Variants in DOCK2 observed in about 807,000 individuals in gnomAD.
DOCK2 encodes the protein dedicator of cytokinesis protein 2.
In DOCK2, 87 loss-of-function variants were observed where a neutral mutation model predicts 248.9. That is an observed-to-expected ratio of 0.35 (90% CI 0.29 to 0.42). DOCK2 has a LOEUF of 0.42. DOCK2 is among the 10% of genes least tolerant of loss of function. DOCK2 has a pLI of 1.00. For missense variants in DOCK2, 1,747 were observed against 2,300.2 expected (o/e 0.76, Z 4.92); for synonymous variants, 805 against 821.6 (o/e 0.98, Z 0.35).
chr5:169,875,167 A>G, intron 27 of DOCK2: 2 of 455,140 alleles, frequency 4.4e-6, no homozygotes, highest in South Asian at 3.1e-5. Flanking sequence ...TCTTCTTTCA[A>G]GACCCTGATT....
At chr5:169,801,102 C>T (rs1341721587) in intron 25 of DOCK2, among the ~76,000 whole-genome samples, 4 of 139,652 alleles carry the variant, frequency 2.9e-5, no homozygotes, top group Admixed American at 7.5e-5. Flanking sequence ...CCTCCTGAGT[C>T]GCTGGGATTA....
chr5:169,898,600 C>G (rs1273476710), intron 27 of DOCK2, among the ~76,000 whole-genome samples: 1 of 152,096 alleles, frequency 6.6e-6, no homozygotes, highest in African/African-American at 2.4e-5. Flanking sequence ...GAAAGAATGA[C>G]AGTTAAGCTC....
chr5:169,981,762 T>C (rs1777943549), intron 27 of DOCK2, among the ~76,000 whole-genome samples: 1 of 152,202 alleles, frequency 6.6e-6, no homozygotes, highest in Non-Finnish European at 1.5e-5. Context: ...AGATGATCAT[T>C]AGAGTTTTTT....
intron 27 of DOCK2, chr5:169,875,391 T>A (rs903743892): frequency 4.6e-6 from 2 of 439,416 alleles, no homozygotes; most frequent in Non-Finnish European, 9.2e-6. Context: ...ACATCTTCAA[T>A]GTAAACCCTC....
intron 27 of DOCK2, among the ~76,000 whole-genome samples, chr5:169,894,598 G>A: frequency 6.6e-6 from 1 of 152,220 alleles, no homozygotes; most frequent in Non-Finnish European, 1.5e-5. Flanking sequence ...AATCACAGAT[G>A]AACAGAGAAC....
At chr5:170,011,908 G>A (rs1158925323) in intron 32 of DOCK2, among the ~76,000 whole-genome samples, 1 of 152,206 alleles carries the variant, frequency 6.6e-6, no homozygotes, top group Non-Finnish European at 1.5e-5. Flanking sequence ...GAATGAAGGA[G>A]CAGGTCTGGA....
At chr5:169,897,880 G>A (rs76842452) in intron 27 of DOCK2, among the ~76,000 whole-genome samples, 8,775 of 152,262 alleles carry the variant, frequency 0.058, 322 homozygotes, top group Non-Finnish European at 0.083. Flanking sequence ...GAAGAGCTGA[G>A]CTTTCCTCCC....
At chr5:169,809,325 A>G (rs1298525930) in intron 26 of DOCK2, among the ~76,000 whole-genome samples, 1 of 152,164 alleles carries the variant, frequency 6.6e-6, no homozygotes, top group Non-Finnish European at 1.5e-5. Flanking sequence ...CTTAGACATC[A>G]GTTGGGAGGC....
intron 27 of DOCK2, among the ~76,000 whole-genome samples, chr5:169,913,650 A>G (rs1232133199): frequency 6.6e-6 from 1 of 152,200 alleles, no homozygotes; most frequent in African/African-American, 2.4e-5. Context: ...GCAGCTTATG[A>G]GCAGAGCTAT....
intron 26 of DOCK2, among the ~76,000 whole-genome samples, chr5:169,812,868 G>A (rs1227995988): frequency 2.6e-5 from 4 of 152,260 alleles, no homozygotes; most frequent in Non-Finnish European, 5.9e-5. Flanking sequence ...GAACTCTGTA[G>A]CCCCATTAGT....
intron 36 of DOCK2, chr5:170,040,563 T>C (rs1370860921): frequency 5.9e-6 from 1 of 169,744 alleles, no homozygotes; most frequent in Non-Finnish European, 1.3e-5. Flanking sequence ...TTATAGCTGC[T>C]GTGGCTTGTT....
chr5:169,800,496 C>T (rs1054238433), intron 25 of DOCK2, among the ~76,000 whole-genome samples: 1 of 152,176 alleles, frequency 6.6e-6, no homozygotes, highest in African/African-American at 2.4e-5. Context: ...TCTCATGGAG[C>T]TTAATCTTTA....
At chr5:169,699,921 T>C in intron 12 of DOCK2, 93 bp from the exon 13 acceptor site, 1 of 1,555,556 alleles carries the variant, frequency 6.4e-7, no homozygotes, top group Non-Finnish European at 8.7e-7. Context: ...TTCCCAGTGA[T>C]CTCCAGAAAG....
chr5:169,839,853 C>T (rs1375536695), intron 26 of DOCK2, among the ~76,000 whole-genome samples: 1 of 152,158 alleles, frequency 6.6e-6, no homozygotes, highest in East Asian at 1.9e-4. Flanking sequence ...GTGACAGTGG[C>T]TTCCTGCTGT....
intron 11 of DOCK2, among the ~76,000 whole-genome samples, chr5:169,698,969 T>C (rs890371755): frequency 6.6e-5 from 10 of 152,086 alleles, no homozygotes; most frequent in African/African-American, 2.4e-4. Context: ...AAAGGAGTCT[T>C]CCAGAAAGCA....
At chr5:169,931,253 G>T (rs1324591402) in intron 27 of DOCK2, among the ~76,000 whole-genome samples, 1 of 152,222 alleles carries the variant, frequency 6.6e-6, no homozygotes, top group African/African-American at 2.4e-5. Context: ...CCAGGAGAGT[G>T]AGGAAGGCTT....
chr5:169,712,737 C>T (rs763029185), intron 17 of DOCK2, among the ~76,000 whole-genome samples: 1 of 152,132 alleles, frequency 6.6e-6, no homozygotes, highest in Non-Finnish European at 1.5e-5. Context: ...TATGACAACC[C>T]ACTAGGATGA....
chr5:170,060,078 A>G (rs1182977223), intron 44 of DOCK2, among the ~76,000 whole-genome samples: 2 of 152,222 alleles, frequency 1.3e-5, no homozygotes, highest in East Asian at 3.8e-4. Flanking sequence ...ATAAATTATC[A>G]TGACTACAGT....
intron 17 of DOCK2, among the ~76,000 whole-genome samples, chr5:169,713,719 C>T (rs1214905946): frequency 6.6e-6 from 1 of 151,972 alleles, no homozygotes; most frequent in African/African-American, 2.4e-5. Context: ...ATTATGGTCT[C>T]AAAAAAAGGA....
Sources: gnomAD v4.1 joint callset for allele counts (sites outside exome capture counted in the v4.1 genomes callset) on GRCh38, gnomAD v4.1.1 for gene constraint, MANE v1.5 for transcripts, NCBI Gene and HGNC (gene_info 2026-07-23, HGNC 2026-07-21) for gene names.